TTC19: variants seen among roughly 807,000 people sequenced by gnomAD.
TTC19 encodes the protein tetratricopeptide repeat protein 19, mitochondrial.
TTC19 carries 38 observed loss-of-function variants against 49.5 expected under a neutral mutation model. The ratio of observed to expected loss-of-function variants is 0.77; its 90% CI spans 0.59 to 1.01. The LOEUF (loss-of-function observed/expected upper bound fraction) is 1.01. Among genes scored for constraint, TTC19 ranks in the 50% least tolerant of loss-of-function variants. The pLI, the probability that TTC19 is intolerant of heterozygous loss-of-function variation, is 0.00. For missense variants in TTC19, 475 were observed against 477.7 expected, an observed-to-expected ratio of 0.99 and a Z score of 0.05; for synonymous variants, 204 against 185.2, an observed-to-expected ratio of 1.10 and a Z score of -0.83.
intron 2 of TTC19, chr17:16,039,921 G>C: frequency 2.4e-6 from 1 of 424,066 alleles, no homozygotes; most frequent in Non-Finnish European, 4.4e-6. Flanking sequence ...CTCCCAAGTA[G>C]CTGGGACTAC....
At chr17:16,024,113 G>A (rs994998636) in intron 7 of TTC19, 1 of 152,010 alleles carries the variant, frequency 6.6e-6, no homozygotes. Context: ...GTTGATATAG[G>A]TTACCGTTCT....
intron 6 of TTC19, among the ~76,000 whole-genome samples, chr17:16,005,018 G>A (rs1293723081): frequency 6.6e-6 from 1 of 152,216 alleles, no homozygotes; most frequent in Non-Finnish European, 1.5e-5. Context: ...ATCTTTCTTG[G>A]AGTTGTAACA....
chr17:16,025,425 T>G (rs889799563), intron 8 of TTC19, among the ~76,000 whole-genome samples: 1 of 152,220 alleles, frequency 6.6e-6, no homozygotes, highest in African/African-American at 2.4e-5. Flanking sequence ...CAGAGCAACC[T>G]TTCTACAGAG....
chr17:16,016,005 GTCTT>G (rs755100398), intron 7 of TTC19, among the ~76,000 whole-genome samples: 6 of 151,784 alleles, frequency 4.0e-5, no homozygotes, highest in South Asian at 2.1e-4. Flanking sequence ...TTTCTTTATT[GTCTT>G]TCTATTTTCC....
chr17:16,023,663 TGTTA>T (rs1454003633), intron 7 of TTC19: 3 of 152,228 alleles, frequency 2.0e-5, no homozygotes, highest in Non-Finnish European at 4.4e-5. Flanking sequence ...ACGATTCTGG[TGTTA>T]GTTCTCTGTA....
At chr17:16,038,380 C>T (rs1476066207) in intron 2 of TTC19, among the ~76,000 whole-genome samples, 2 of 152,142 alleles carry the variant, frequency 1.3e-5, no homozygotes, top group African/African-American at 4.8e-5. Flanking sequence ...CAAGCATTAG[C>T]ATTCCGGATG....
intron 2 of TTC19, chr17:16,044,483 G>A (rs1477688148): frequency 8.4e-6 from 4 of 475,182 alleles, no homozygotes; most frequent in Non-Finnish European, 1.7e-5. Context: ...CAGAAATAAA[G>A]CAGATCGTCC....
At chr17:16,000,507 G>A (rs1223002590) in intron 2 of TTC19, 3 of 948,202 alleles carry the variant, frequency 3.2e-6, no homozygotes, top group African/African-American at 3.4e-5. Context: ...TTATGCAAAC[G>A]AAATATCGGG....
chr17:16,034,144 A>G (rs2151829589), downstream of TTC19, among the ~76,000 whole-genome samples: 1 of 152,374 alleles, frequency 6.6e-6, no homozygotes, highest in African/African-American at 2.4e-5. Flanking sequence ...CAAAAGAACT[A>G]AAACCACCTT....
At chr17:16,037,169 G>A (rs553233382) in intron 2 of TTC19, among the ~76,000 whole-genome samples, 2 of 152,198 alleles carry the variant, frequency 1.3e-5, no homozygotes, top group South Asian at 4.2e-4. Flanking sequence ...GAGGAGTCAG[G>A]ACACACACCA....
intron 7 of TTC19, among the ~76,000 whole-genome samples, chr17:16,021,087 A>ATT (rs1971365780): frequency 6.6e-6 from 1 of 152,170 alleles, no homozygotes; most frequent in South Asian, 2.1e-4. Context: ...TGAGATACAG[A>ATT]TATAAATAAA....
At chr17:16,032,565 A>G, downstream of TTC19, 1 of 1,333,704 alleles carries the variant, frequency 7.5e-7, no homozygotes, top group Non-Finnish European at 1.0e-6. Context: ...GATGGAGTAG[A>G]ATAGGATTAT....
At position 16,027,984 on chromosome 17, in the gene TTC19, T is replaced by C. The variant is rs772055442; in HGVS notation, c.*462T>C. The C allele has an allele frequency of 4.4e-6, 2 of 454,316 alleles. No homozygotes were observed. Among genetic ancestry groups the C allele is most frequent in the Non-Finnish European group, 8.8e-6 (2 of 226,924 alleles). 28.1% of individuals were successfully genotyped at this position (454,316 alleles called of 1,614,324 possible). ...CATGGCAAAGGGGGATTATGGTGAATTGTTGTTCTTATAGTCTGTTTCATG... is the reference window on the plus strand; with the variant it reads ...CATGGCAAAGGGGGATTATGGTGAACTGTTGTTCTTATAGTCTGTTTCATG... On this transcript the variant is annotated 3_prime_UTR_variant, in exon 10 of 10. Transcript: ENST00000261647.
Position 16,003,843 on chromosome 17 carries a change from T to C in TTC19, c.475T>C (p.Phe159Leu). 1 of 1,613,994 alleles carries C rather than the reference T, an allele frequency of 6.2e-7. No individual in the cohort carries two copies. Among genetic ancestry groups the C allele is most frequent in the East Asian group, 2.2e-5 (1 of 44,884 alleles). The change falls in exon 5 of 10, where the codon TTT becomes CTT. Residue 159 changes from phenylalanine to leucine, a missense_variant. Physicochemically the swap from Phe to Leu is conservative, Grantham distance 22. Coordinates refer to ENST00000261647, the MANE Select transcript of TTC19 (RefSeq NM_017775.4). ...CTTATGCTTTTAGGCTGAACAACTTTTTAAAGCAACAATGAGTTACCTCCT... is the reference window on the plus strand; with the variant it reads ...CTTATGCTTTTAGGCTGAACAACTTCTTAAAGCAACAATGAGTTACCTCCT... ...RGQLENAEQL[F>L]KATMSYLLGG... is the part of the protein sequence containing the mutation.
intron 2 of TTC19, among the ~76,000 whole-genome samples, chr17:16,041,795 G>A (rs896505227): frequency 5.9e-5 from 9 of 151,744 alleles, no homozygotes; most frequent in East Asian, 1.9e-4. Flanking sequence ...GGAGTGCAGC[G>A]GTGCGATCTT....
rs1230388887 is a variant in TTC19, at chr17:16,006,534, AAG to A, written c.646_647del (p.Glu216LysfsTer45). 3.1e-6 allele frequency: 5 copies of A among 1,613,606 alleles called. No individual in the cohort carries two copies. Among genetic ancestry groups the A allele is most frequent in the Admixed American group, 3.3e-5 (2 of 60,032 alleles). ...CISTLEEKIE[R>X]EKELAEDIMS... ...TTTCAACTCTAGAGGAAAAAATTGAAAGAGAAAAGGAATTAGCAGAAGACATT... is the reference window on the plus strand; with the variant it reads ...TTTCAACTCTAGAGGAAAAAATTGAAAGAAAAGGAATTAGCAGAAGACATT... On this transcript the variant is annotated frameshift_variant, in exon 7 of 10. Transcript: ENST00000261647. LOFTEE classifies it high-confidence loss of function.
At chr17:16,044,933 T>A (rs184624358) in exon 3 of TTC19, 42 of 648,482 alleles carry the variant, frequency 6.5e-5, no homozygotes, top group Non-Finnish European at 9.2e-5. Flanking sequence ...AGTCTGATGA[T>A]GACATGGGCT....
At chr17:16,022,189 A>T (rs990705692) in intron 7 of TTC19, among the ~76,000 whole-genome samples, 2 of 152,190 alleles carry the variant, frequency 1.3e-5, no homozygotes, top group African/African-American at 4.8e-5. Flanking sequence ...TACAGAGACA[A>T]CTCAAGCTAC....
At chr17:16,038,398 C>T (rs1033973411) in intron 2 of TTC19, among the ~76,000 whole-genome samples, 1 of 151,854 alleles carries the variant, frequency 6.6e-6, no homozygotes, top group African/African-American at 2.4e-5. Context: ...ATGATGTGAT[C>T]TGAAGAACTG....
Sources: allele counts gnomAD v4.1 joint callset (sites outside exome capture counted in the v4.1 genomes callset), GRCh38; gene constraint gnomAD v4.1.1; transcripts MANE v1.5; gene names NCBI Gene and HGNC (gene_info 2026-07-23, HGNC 2026-07-21).